Variants in FAM20C observed in about 807,000 individuals in gnomAD.
The protein encoded by FAM20C is FAM20C golgi associated secretory pathway kinase, also known as extracellular serine/threonine protein kinase FAM20C.
Under a neutral mutation model 51.5 loss-of-function variants are expected in FAM20C, and 40 were observed. The observed-to-expected ratio is 0.78, with a 90% CI of 0.60 to 1.01. The LOEUF is 1.01. Ranked by LOEUF, FAM20C falls within the 50% of genes least tolerant of loss-of-function variation. The probability of loss-of-function intolerance (pLI) is 0.00; values close to 1 mark genes in which losing one functional copy is unlikely to be tolerated. For missense variants in FAM20C, 861 were observed against 844.7 expected, an observed-to-expected ratio of 1.02 and a Z score of -0.24; for synonymous variants, 406 against 380.6, an observed-to-expected ratio of 1.07 and a Z score of -0.78.
chr7:210,506 A>T (rs575865821), intron 3 of FAM20C, among the ~76,000 whole-genome samples: 2 of 151,928 alleles, frequency 1.3e-5, no homozygotes, highest in South Asian at 4.2e-4. Flanking sequence ...CAGTAATGGG[A>T]GTGGAATAGT....
intron 3 of FAM20C, among the ~76,000 whole-genome samples, chr7:214,260 G>A (rs1483385848): frequency 6.6e-6 from 1 of 152,040 alleles, no homozygotes; most frequent in Non-Finnish European, 1.5e-5. Context: ...GGGAGGCGGA[G>A]GTTGCAGTGA....
At chr7:214,627 C>T (rs34407775) in intron 3 of FAM20C, among the ~76,000 whole-genome samples, 51,051 of 152,058 alleles carry the variant, frequency 0.34, 10,273 homozygotes, top group Non-Finnish European at 0.45. Flanking sequence ...GTGCCCTCAC[C>T]TCCTGGAACT....
chr7:240,370 G>T (rs1787902172), intron 3 of FAM20C, among the ~76,000 whole-genome samples: 1 of 152,240 alleles, frequency 6.6e-6, no homozygotes. Flanking sequence ...AATGATGGTG[G>T]AGGTGATGAT....
intron 3 of FAM20C, among the ~76,000 whole-genome samples, chr7:240,247 T>G (rs2115131966): frequency 6.8e-6 from 1 of 147,184 alleles, no homozygotes; most frequent in Non-Finnish European, 1.5e-5. Context: ...NNNNNNATGA[T>G]GATGTTGATA....
rs1482753378 is a variant in FAM20C at position 258,177 on chromosome 7, C to A, written c.1446-469C>A. Among the ~76,000 whole-genome samples the A allele has an allele frequency of 1.1e-3, 99 of 92,652 alleles. 1 individual carries two copies. The highest frequency in any genetic ancestry group is 7.5e-3 in the Middle Eastern group (1 of 134). The allele number at this position is 92,652 out of a possible 152,430, so 60.8% of individuals were successfully genotyped here. A position where few individuals can be genotyped will look rare whatever the true frequency, so the allele number is the denominator to read the frequency against. The stretch of plus-strand genomic sequence containing the variant: ...GGAGATAGGCAGGGTGGACCCACTG[C>A]CTGAGGTGCTGGAGATAGGCAGGGT... On this transcript the variant is annotated intron_variant, in intron 8 of 9. Coordinates refer to ENST00000313766, the MANE Select transcript of FAM20C (RefSeq NM_020223.4).
intron 5 of FAM20C, among the ~76,000 whole-genome samples, chr7:250,805 C>A (rs1788368775): frequency 6.6e-6 from 1 of 152,250 alleles, no homozygotes; most frequent in East Asian, 1.9e-4. Context: ...TGCTTCTTAT[C>A]CACGTCTTTT....
chr7:217,725 C>A (rs1787066119), intron 3 of FAM20C, among the ~76,000 whole-genome samples: 1 of 152,122 alleles, frequency 6.6e-6, no homozygotes, highest in South Asian at 2.1e-4. Context: ...AAAACAGATG[C>A]AATATTAATA....
In FAM20C at chr7:259,492, A is replaced by T. The variant is rs868805446; in HGVS notation, c.1506-239A>T. On this transcript the variant is annotated intron_variant, in intron 9 of 9. Transcript: ENST00000313766. Reference sequence around the variant, plus strand: ...TGTCTCGGTCTGCCTGTTTCTCTTTATCTGTGTCTCTTTCTGTCTGTCTGT... The same window carrying T: ...TGTCTCGGTCTGCCTGTTTCTCTTTTTCTGTGTCTCTTTCTGTCTGTCTGT... Among the ~76,000 whole-genome samples, 4 of 48,146 alleles carry T rather than the reference A, an allele frequency of 8.3e-5. No individual in the cohort carries two copies. In the East Asian group the frequency reaches 2.5e-3, roughly 30 times the overall value. The allele number at this position is 48,146 out of a possible 152,430, so 31.6% of individuals were successfully genotyped here.
At chr7:195,800 A>G in intron 2 of FAM20C, 68 bp downstream of exon 2, 1 of 1,425,066 alleles carries the variant, frequency 7.0e-7, no homozygotes, top group South Asian at 1.7e-5. Flanking sequence ...CTGCTGGGGC[A>G]GGCTATGTGT....
intron 2 of FAM20C, among the ~76,000 whole-genome samples, chr7:196,746 C>T (rs1424300402): frequency 6.6e-6 from 1 of 152,200 alleles, no homozygotes; most frequent in African/African-American, 2.4e-5. Context: ...GTAGGTTCTC[C>T]TGAGCTCTTC....
At position 222,837 on chromosome 7, in the gene FAM20C, G is replaced by A. The variant is rs574212098; in HGVS notation, c.863+13861G>A. Among the ~76,000 whole-genome samples the A allele has an allele frequency of 9.2e-5, 14 of 152,180 alleles. No homozygotes were observed. The South Asian group carries it at 2.7e-3, about 29-fold the overall frequency. On this transcript the variant is annotated intron_variant, in intron 3 of 9. Transcript: ENST00000313766. ...TGTATGAGTGTGTAAGGGCATGTGT[G>A]TGCATGCATGTCCTGTGTGGGTGCA... is the stretch of plus-strand genomic sequence containing the variant.
chr7:232,839 G>GTTGT (rs1787740913), intron 3 of FAM20C, among the ~76,000 whole-genome samples: 1 of 152,232 alleles, frequency 6.6e-6, no homozygotes, highest in Admixed American at 6.5e-5. Context: ...TGAAGCCACA[G>GTTGT]TTGTTAAGGA....
At chr7:242,418 G>A (rs908899916) in intron 3 of FAM20C, among the ~76,000 whole-genome samples, 3 of 152,250 alleles carry the variant, frequency 2.0e-5, no homozygotes, top group Non-Finnish European at 2.9e-5. Flanking sequence ...TCCTGGAGGC[G>A]GTGGCCAGGA....
intron 3 of FAM20C, among the ~76,000 whole-genome samples, chr7:209,555 TGTCA>T (rs34469729): frequency 0.2 from 31,076 of 151,942 alleles, 3,829 homozygotes; most frequent in East Asian, 0.34. Flanking sequence ...ATAGAAACTG[TGTCA>T]GTCACCAAAA....
At chr7:246,957 G>A (rs952658875) in intron 4 of FAM20C, among the ~76,000 whole-genome samples, 6 of 152,138 alleles carry the variant, frequency 3.9e-5, no homozygotes, top group African/African-American at 1.4e-4. Context: ...CACCCCCACA[G>A]TTCAGGCAGA....
intron 3 of FAM20C, chr7:228,074 A>C: frequency 4.4e-6 from 1 of 229,518 alleles, no homozygotes; most frequent in South Asian, 6.9e-5. Flanking sequence ...GAAGCCCTTT[A>C]GCCGCACCAC....
Position 193,177 on chromosome 7 carries a change from G to A in FAM20C, c.-23G>A. Reference sequence around the variant, plus strand: ...GGGCGCGCGGGCAGAACGCGCTCCAGGCCCGGGCCGGCCCGCGCGGCCATG... The same window carrying A: ...GGGCGCGCGGGCAGAACGCGCTCCAAGCCCGGGCCGGCCCGCGCGGCCATG... On this transcript the variant is annotated 5_prime_UTR_variant, in exon 1 of 10. Coordinates refer to ENST00000313766, the MANE Select transcript of FAM20C (RefSeq NM_020223.4). 1 of 1,446,302 alleles carries A rather than the reference G, an allele frequency of 6.9e-7. No individual in the cohort carries two copies. The highest frequency in any genetic ancestry group is 1.2e-5 in the South Asian group (1 of 81,120). 89.6% of individuals were successfully genotyped at this position (1,446,302 alleles called of 1,614,324 possible).
At position 246,405 on chromosome 7, in the gene FAM20C, G is replaced by C. The variant is rs767072473; in HGVS notation, c.864-10G>C. The stretch of plus-strand genomic sequence containing the variant: ...GACAAACCGTTTCTGTTTCTGTCTT[G>C]TTTTCTCAGACAAACGAGGGAGCAG... On this transcript the variant is annotated splice_polypyrimidine_tract_variant and intron_variant, in intron 3 of 9. Transcript: ENST00000313766. The C allele has an allele frequency of 2.2e-6, 3 of 1,393,298 alleles. No homozygotes were observed. In the African/African-American group the frequency reaches 5.9e-5, roughly 27 times the overall value. The allele number at this position is 1,393,298 out of a possible 1,614,324, so 86.3% of individuals were successfully genotyped here. A position where few individuals can be genotyped will look rare whatever the true frequency, so the allele number is the denominator to read the frequency against.
intron 3 of FAM20C, among the ~76,000 whole-genome samples, chr7:236,876 C>A (rs1045474173): frequency 3.3e-5 from 5 of 151,996 alleles, no homozygotes; most frequent in Admixed American, 3.3e-4. Context: ...GTCCCGGTGG[C>A]TGTCGGGCTC....
Sources: allele counts gnomAD v4.1 joint callset (sites outside exome capture counted in the v4.1 genomes callset), GRCh38; gene constraint gnomAD v4.1.1; transcripts MANE v1.5; gene names NCBI Gene and HGNC (gene_info 2026-07-23, HGNC 2026-07-21).